Variants in ESR1 observed in about 807,000 individuals in gnomAD.
ESR1 encodes the protein estrogen receptor.
ESR1 carries 12 observed loss-of-function variants against 52.7 expected under a neutral mutation model. That is an observed-to-expected ratio of 0.23 (90% CI 0.15 to 0.37). The LOEUF (loss-of-function observed/expected upper bound fraction) is 0.37, where lower values mean the gene tolerates loss of function less well. Among genes scored for constraint, ESR1 ranks in the 10% least tolerant of loss-of-function variants. The pLI is 1.00. For synonymous variants in ESR1, 305 were observed against 316.8 expected (o/e 0.96, Z 0.39); for missense variants, 584 against 779.7 (o/e 0.75, Z 2.99).
At position 151,809,118 on chromosome 6, in the gene ESR1, A is replaced by G. The variant is rs201212952; in HGVS notation, c.452+754A>G. ...ATGGAAGCACAAGTGCTTAAAAATA[A>G]TCTCCTGCCAGCCCAGTGACAAGCC... On this transcript the variant is annotated intron_variant, in intron 1 of 7. Coordinates refer to ENST00000206249, the MANE Select transcript of ESR1 (RefSeq NM_000125.4). The G allele has an allele frequency of 2.4e-3, 925 of 387,530 alleles. 4 individuals carry two copies. The highest frequency in any genetic ancestry group is 3.9e-3 in the Non-Finnish European group (711 of 182,956). The allele number at this position is 387,530 out of a possible 1,614,324, so 24.0% of individuals were successfully genotyped here. A position where few individuals can be genotyped will look rare whatever the true frequency, so the allele number is the denominator to read the frequency against.
At chr6:151,935,849 A>T (rs1584330579) in intron 3 of ESR1, among the ~76,000 whole-genome samples, 1 of 152,164 alleles carries the variant, frequency 6.6e-6, no homozygotes, top group Admixed American at 6.5e-5. Flanking sequence ...ACTTTAGGTG[A>T]TTCTGAATTT....
chr6:151,855,471 C>A (rs1787660899), intron 2 of ESR1, among the ~76,000 whole-genome samples: 1 of 152,170 alleles, frequency 6.6e-6, no homozygotes, highest in Non-Finnish European at 1.5e-5. Flanking sequence ...ACCTAGAGAC[C>A]TCCCTGTTGA....
chr6:152,069,780 C>T (rs2048235076), intron 6 of ESR1, among the ~76,000 whole-genome samples: 1 of 136,942 alleles, frequency 7.3e-6, no homozygotes, highest in Non-Finnish European at 1.5e-5. Flanking sequence ...GCTTCCTTGC[C>T]CACCACTCAC....
At chr6:151,839,777 A>G (rs1583585903) in intron 1 of ESR1, among the ~76,000 whole-genome samples, 1 of 152,150 alleles carries the variant, frequency 6.6e-6, no homozygotes, top group Non-Finnish European at 1.5e-5. Flanking sequence ...ACAAAAGTAG[A>G]TTGGTGGCTG....
At chr6:151,672,225 G>T (rs1354465717) in intron 1 of ESR1, among the ~76,000 whole-genome samples, 1 of 152,032 alleles carries the variant, frequency 6.6e-6, no homozygotes, top group African/African-American at 2.4e-5. Flanking sequence ...TTGTATGTGT[G>T]TATCAAAATG....
At chr6:152,096,027 A>C (rs1328500734) in intron 7 of ESR1, among the ~76,000 whole-genome samples, 1 of 152,194 alleles carries the variant, frequency 6.6e-6, no homozygotes, top group Non-Finnish European at 1.5e-5. Context: ...AGCTTAGTGG[A>C]TACCATTCCC....
chr6:151,962,855 A>T lies in ESR1; in HGVS notation c.1096+18347A>T, dbSNP rs182516856. ...TTCCAATTGTTCTAATGAGTTTTTT[A>T]AAATTGTGCCTGTCCTGTTTTTAAA... On this transcript the variant is annotated intron_variant, in intron 4 of 7. Coordinates refer to ENST00000206249, the MANE Select transcript of ESR1 (RefSeq NM_000125.4). 7.0e-3 allele frequency among the ~76,000 whole-genome samples: 1,067 copies of T among 152,220 alleles called. 49 individuals carry two copies. Among genetic ancestry groups the T allele is most frequent in the East Asian group, 0.019 (100 of 5,180 alleles).
intron 5 of ESR1, among the ~76,000 whole-genome samples, chr6:152,045,684 A>T (rs114840302): frequency 6.6e-6 from 1 of 152,178 alleles, no homozygotes; most frequent in South Asian, 2.1e-4. Context: ...TAAGAACTCA[A>T]TGAAGGTTAG....
chr6:151,759,089 A>C (rs1005658878), intron 2 of ESR1, among the ~76,000 whole-genome samples: 8 of 151,838 alleles, frequency 5.3e-5, no homozygotes, highest in Non-Finnish European at 1.2e-4. Context: ...ATCCTGGCCA[A>C]CATGGTGACA....
chr6:152,114,059 T>C (rs1585278091), intron 6 of ESR1, among the ~76,000 whole-genome samples: 1 of 152,048 alleles, frequency 6.6e-6, no homozygotes, highest in Non-Finnish European at 1.5e-5. Flanking sequence ...GCAAACACCA[T>C]AGGGAAGGTG....
intron 1 of ESR1, among the ~76,000 whole-genome samples, chr6:151,832,848 G>C (rs975935538): frequency 6.6e-6 from 1 of 152,132 alleles, no homozygotes; most frequent in African/African-American, 2.4e-5. Context: ...CAGAATTTTA[G>C]TCATTCCACA....
chr6:151,720,808 C>T (rs1781400794), intron 2 of ESR1, among the ~76,000 whole-genome samples: 1 of 152,200 alleles, frequency 6.6e-6, no homozygotes, highest in African/African-American at 2.4e-5. Flanking sequence ...ACATGAAGGA[C>T]ATGAGGACAT....
rs144823808 is a variant in ESR1, at chr6:151,697,959, G to C, written c.-201-3916G>C. 3.1e-3 allele frequency among the ~76,000 whole-genome samples: 467 copies of C among 152,204 alleles called. 3 individuals are homozygous for C. Among genetic ancestry groups the C allele is most frequent in the African/African-American group, 0.011 (451 of 41,526 alleles). ...ACTAAAAATAAAAAATTAGCCCCGT[G>C]TGGCAGCATGCGCCTGTAGTCCCAG... is the stretch of plus-strand genomic sequence containing the variant. On this transcript the variant is annotated intron_variant, in intron 1 of 2. Coordinates refer to the ESR1 transcript ENST00000404742.
chr6:151,744,843 G>T (rs935119063), intron 2 of ESR1, among the ~76,000 whole-genome samples: 1 of 152,190 alleles, frequency 6.6e-6, no homozygotes, highest in East Asian at 1.9e-4. Context: ...TATAGTTTCA[G>T]CTCTTATATT....
At chr6:152,105,066 G>A (rs2152512175), downstream of ESR1, among the ~76,000 whole-genome samples, 1 of 152,250 alleles carries the variant, frequency 6.6e-6, no homozygotes, top group East Asian at 1.9e-4. Flanking sequence ...GAGAGGACAC[G>A]GAGGCTCTTC....
intron 2 of ESR1, among the ~76,000 whole-genome samples, chr6:151,795,094 CTT>C (rs1445899449): frequency 1.3e-5 from 2 of 152,172 alleles, no homozygotes; most frequent in African/African-American, 4.8e-5. Flanking sequence ...TGCAACAACT[CTT>C]TGAGGTGGAA....
At chr6:152,049,441 A>G (rs2046491923) in intron 5 of ESR1, among the ~76,000 whole-genome samples, 2 of 152,252 alleles carry the variant, frequency 1.3e-5, no homozygotes, top group Admixed American at 1.3e-4. Context: ...TGTGACAGAC[A>G]GCTTAAGAAA....
chr6:151,749,759 C>G (rs1235331350), intron 2 of ESR1, among the ~76,000 whole-genome samples: 1 of 152,154 alleles, frequency 6.6e-6, no homozygotes, highest in Non-Finnish European at 1.5e-5. Flanking sequence ...GGTAGAGAGG[C>G]AGCTCGCTGT....
At chr6:151,789,924 G>GGA (rs1418259354) in intron 2 of ESR1, among the ~76,000 whole-genome samples, 1 of 152,144 alleles carries the variant, frequency 6.6e-6, no homozygotes, top group Non-Finnish European at 1.5e-5. Context: ...CAGGAGGTGG[G>GGA]GAGAGAGCTA....
Sources: allele counts gnomAD v4.1 joint callset (sites outside exome capture counted in the v4.1 genomes callset), GRCh38; gene constraint gnomAD v4.1.1; transcripts MANE v1.5; gene names NCBI Gene and HGNC (gene_info 2026-07-23, HGNC 2026-07-21).